Variants in DLEU7 observed in about 807,000 individuals in gnomAD.
DLEU7 encodes leukemia-associated protein 7.
In DLEU7, 17 loss-of-function variants were observed where a neutral mutation model predicts 16.0. The ratio of observed to expected loss-of-function variants is 1.06; its 90% CI spans 0.73 to 1.59. The LOEUF is 1.59. DLEU7 is among the 40% of genes most tolerant of loss of function. DLEU7 has a pLI of 0.00. For synonymous variants in DLEU7, 113 were observed against 139.8 expected, an observed-to-expected ratio of 0.81 and a Z score of 1.35; for missense variants, 308 against 314.9, an observed-to-expected ratio of 0.98 and a Z score of 0.17.
At chr13:50,812,069 CAAAAA>C (rs35178818) in intron 1 of DLEU7, among the ~76,000 whole-genome samples, 9 of 104,574 alleles carry the variant, frequency 8.6e-5, no homozygotes, top group African/African-American at 3.2e-4. Flanking sequence ...GATTCCATCT[CAAAAA>C]AAAAAAAAAA....
intron 1 of DLEU7, among the ~76,000 whole-genome samples, chr13:50,749,245 G>T (rs659681): frequency 0.56 from 85,289 of 151,318 alleles, 26,365 homozygotes; most frequent in African/African-American, 0.83. Flanking sequence ...CCAAGTAGTA[G>T]TCCATCATAT....
At chr13:50,781,611 C>T (rs946660743) in intron 1 of DLEU7, among the ~76,000 whole-genome samples, 11 of 152,160 alleles carry the variant, frequency 7.2e-5, no homozygotes, top group African/African-American at 2.7e-4. Flanking sequence ...GGTGACACTC[C>T]CCTACCTGGA....
chr13:50,812,007 C>T (rs763600452), intron 1 of DLEU7, among the ~76,000 whole-genome samples: 4 of 144,538 alleles, frequency 2.8e-5, no homozygotes, highest in Non-Finnish European at 6.0e-5. Context: ...GAGGCAGCAG[C>T]TGCAGTGAGC....
chr13:50,782,473 C>G (rs771745377), intron 1 of DLEU7, among the ~76,000 whole-genome samples: 2 of 152,214 alleles, frequency 1.3e-5, no homozygotes, highest in Non-Finnish European at 2.9e-5. Flanking sequence ...CTCCCTCACT[C>G]TCAACCTCCT....
At chr13:50,732,428 G>A (rs1873936876) in intron 1 of DLEU7, among the ~76,000 whole-genome samples, 1 of 151,964 alleles carries the variant, frequency 6.6e-6, no homozygotes, top group African/African-American at 2.4e-5. Context: ...GGCCAACATG[G>A]TGAAACCCCA....
intron 1 of DLEU7, among the ~76,000 whole-genome samples, chr13:50,717,500 A>G (rs1387281757): frequency 6.6e-6 from 1 of 152,014 alleles, no homozygotes; most frequent in African/African-American, 2.4e-5. Flanking sequence ...CATTTTGCAA[A>G]CTGGAGTTAT....
intron 1 of DLEU7, among the ~76,000 whole-genome samples, chr13:50,753,441 G>A (rs933710551): frequency 3.3e-5 from 5 of 152,224 alleles, no homozygotes; most frequent in Admixed American, 6.5e-5. Context: ...TGCAGGCCCC[G>A]AGCCCTGCCC....
intron 1 of DLEU7, among the ~76,000 whole-genome samples, chr13:50,731,036 A>G (rs191243869): frequency 4.6e-5 from 7 of 152,274 alleles, no homozygotes; most frequent in African/African-American, 1.2e-4. Context: ...TCCTGCAACC[A>G]ATCAGACAGG....
At chr13:50,810,913 A>AT (rs1876545272) in intron 1 of DLEU7, among the ~76,000 whole-genome samples, 1 of 152,200 alleles carries the variant, frequency 6.6e-6, no homozygotes, top group South Asian at 2.1e-4. Context: ...CCAGAAATTC[A>AT]TTTTTAAAAG....
At chr13:50,720,607 C>A (rs1238360143) in intron 1 of DLEU7, among the ~76,000 whole-genome samples, 1 of 152,194 alleles carries the variant, frequency 6.6e-6, no homozygotes, top group East Asian at 1.9e-4. Flanking sequence ...AACAAATTCT[C>A]AAACTAAATT....
chr13:50,839,249 C>T (rs1357599747), intron 1 of DLEU7, among the ~76,000 whole-genome samples: 2 of 152,214 alleles, frequency 1.3e-5, no homozygotes, highest in Non-Finnish European at 2.9e-5. Context: ...GAGCAAAGTC[C>T]TCAATTCCTC....
intron 1 of DLEU7, among the ~76,000 whole-genome samples, chr13:50,727,019 A>T (rs549721641): frequency 6.6e-6 from 1 of 152,192 alleles, no homozygotes; most frequent in Non-Finnish European, 1.5e-5. Context: ...CACATACCAT[A>T]TATCTGCTAG....
At chr13:50,840,070 G>A (rs1257267201) in intron 1 of DLEU7, 1 of 152,212 alleles carries the variant, frequency 6.6e-6, no homozygotes, top group African/African-American at 2.4e-5. Context: ...TTTAGTTCAA[G>A]TGAGTCTTCC....
At chr13:50,747,667 G>C (rs942372111) in intron 1 of DLEU7, among the ~76,000 whole-genome samples, 9 of 151,978 alleles carry the variant, frequency 5.9e-5, no homozygotes, top group African/African-American at 2.2e-4. Context: ...TGTGAGCCTG[G>C]GTTGTTTCTG....
At chr13:50,831,112 GGA>G (rs1054651764) in intron 1 of DLEU7, among the ~76,000 whole-genome samples, 8 of 148,674 alleles carry the variant, frequency 5.4e-5, no homozygotes, top group African/African-American at 2.0e-4. Context: ...GTAAGGAGGA[GGA>G]GAGGGGAGGG....
At chr13:50,820,113 T>G (rs1293078426), downstream of DLEU7, among the ~76,000 whole-genome samples, 1 of 152,052 alleles carries the variant, frequency 6.6e-6, no homozygotes, top group Admixed American at 6.6e-5. Flanking sequence ...TCAAGTAATA[T>G]GAGGATTGTG....
chr13:50,783,960 C>G (rs1875729281), intron 1 of DLEU7, among the ~76,000 whole-genome samples: 1 of 152,180 alleles, frequency 6.6e-6, no homozygotes, highest in Admixed American at 6.5e-5. Flanking sequence ...ACAGACTTAC[C>G]ACTCCCTGTT....
intron 1 of DLEU7, among the ~76,000 whole-genome samples, chr13:50,783,931 C>G (rs1427603809): frequency 2.6e-5 from 4 of 152,204 alleles, no homozygotes; most frequent in African/African-American, 9.6e-5. Flanking sequence ...GCTGTGACTG[C>G]TCTGCCAGAA....
chr13:50,768,060 T>G (rs552783865), intron 1 of DLEU7, among the ~76,000 whole-genome samples: 1 of 152,352 alleles, frequency 6.6e-6, no homozygotes, highest in East Asian at 1.9e-4. Flanking sequence ...TTTACCACTT[T>G]TAATGTTTAT....
Sources: gnomAD v4.1 joint callset for allele counts (sites outside exome capture counted in the v4.1 genomes callset) on GRCh38, gnomAD v4.1.1 for gene constraint, MANE v1.5 for transcripts, NCBI Gene and HGNC (gene_info 2026-07-23, HGNC 2026-07-21) for gene names.